PARD3B: variants seen among roughly 807,000 people sequenced by gnomAD.
The protein encoded by PARD3B is partitioning defective 3 homolog B.
A neutral mutation model predicts 130.2 loss-of-function variants in PARD3B; 103 were observed. The observed-to-expected ratio is 0.79, with a 90% CI of 0.67 to 0.93. PARD3B has a LOEUF of 0.93. Among genes scored for constraint, PARD3B ranks in the 40% least tolerant of loss-of-function variants. PARD3B has a pLI of 0.00. For synonymous variants in PARD3B, 583 were observed against 553.2 expected, an observed-to-expected ratio of 1.05 and a Z score of -0.76; for missense variants, 1,609 against 1,499.2, an observed-to-expected ratio of 1.07 and a Z score of -1.21.
At chr2:205,307,781 T>A (rs1190718947) in intron 18 of PARD3B, among the ~76,000 whole-genome samples, 2 of 152,166 alleles carry the variant, frequency 1.3e-5, no homozygotes, top group African/African-American at 4.8e-5. Flanking sequence ...CTGTCATAGA[T>A]TTATGTTCAA....
intron 2 of PARD3B, among the ~76,000 whole-genome samples, chr2:204,855,553 AT>A (rs199587741): frequency 0.11 from 13,439 of 120,858 alleles, 1,020 homozygotes; most frequent in African/African-American, 0.31. Flanking sequence ...AGAAAAAAAA[AT>A]ATATATATAT....
intron 15 of PARD3B, among the ~76,000 whole-genome samples, chr2:205,223,512 A>G (rs1326397767): frequency 3.3e-5 from 5 of 152,192 alleles, no homozygotes; most frequent in Admixed American, 3.3e-4. Flanking sequence ...ACTGCTGCTC[A>G]TGAAGACAGC....
chr2:205,512,989 C>T (rs1376826899), intron 21 of PARD3B, among the ~76,000 whole-genome samples: 1 of 143,326 alleles, frequency 7.0e-6, no homozygotes, highest in Admixed American at 6.9e-5. Flanking sequence ...TTTTTTCCTT[C>T]TTTTTTTTTT....
chr2:205,108,468 C>T (rs1328401653), intron 5 of PARD3B, among the ~76,000 whole-genome samples: 2 of 151,914 alleles, frequency 1.3e-5, no homozygotes, highest in East Asian at 3.9e-4. Context: ...CCCTTTTCTC[C>T]CTTCTTCTTT....
At chr2:204,964,362 TAA>T (rs927835572) in intron 2 of PARD3B, among the ~76,000 whole-genome samples, 3 of 152,222 alleles carry the variant, frequency 2.0e-5, no homozygotes, top group Admixed American at 6.5e-5. Flanking sequence ...CTTGAATTTT[TAA>T]AGATACCTTG....
chr2:205,363,919 G>A (rs966942116), intron 18 of PARD3B, among the ~76,000 whole-genome samples: 82 of 137,288 alleles, frequency 6.0e-4, no homozygotes, highest in Non-Finnish European at 5.0e-4. Flanking sequence ...CACCCGCCTC[G>A]GCCTCCCAAA....
chr2:205,127,570 T>C (rs2031586203), intron 10 of PARD3B, among the ~76,000 whole-genome samples: 1 of 152,196 alleles, frequency 6.6e-6, no homozygotes. Context: ...AGTTATTGTA[T>C]GGATTGGAAA....
chr2:204,921,662 G>A (rs372524163), intron 2 of PARD3B, among the ~76,000 whole-genome samples: 15 of 152,144 alleles, frequency 9.9e-5, no homozygotes, highest in African/African-American at 3.1e-4. Context: ...GCATGTGAGA[G>A]AGGTCCTTAT....
At chr2:205,251,003 C>T (rs1045273472) in intron 16 of PARD3B, among the ~76,000 whole-genome samples, 1 of 152,102 alleles carries the variant, frequency 6.6e-6, no homozygotes, top group African/African-American at 2.4e-5. Context: ...GATATGAACC[C>T]CAGCATTGTA....
chr2:205,328,167 A>G (rs546447576), intron 18 of PARD3B, among the ~76,000 whole-genome samples: 2 of 152,282 alleles, frequency 1.3e-5, no homozygotes, highest in East Asian at 1.9e-4. Context: ...AAAACCCCCA[A>G]TATTTCCAAA....
rs2054363235 is a variant in PARD3B, at chr2:205,590,865, T to C, written c.3261-24591T>C. On this transcript the variant is annotated intron_variant, in intron 22 of 22. Coordinates refer to ENST00000406610, the MANE Select transcript of PARD3B (RefSeq NM_001302769.2). This position sits in a 1 kb window ranked among gnomAD's most constrained non-coding sequence, Gnocchi z 4.1. Reference sequence around the variant, plus strand: ...CTCTCTGCTTCCGGTCTGCTTGTCATTTGACCCACAGGCTTCAAGAATACT... The same window carrying C: ...CTCTCTGCTTCCGGTCTGCTTGTCACTTGACCCACAGGCTTCAAGAATACT... Among the ~76,000 whole-genome samples the C allele has an allele frequency of 6.6e-6, 1 of 152,052 alleles. No individual in the cohort carries two copies. The highest frequency in any genetic ancestry group is 6.6e-5 in the Admixed American group (1 of 15,260).
In PARD3B at chr2:205,055,400, G is replaced by A. The variant is rs190980045; in HGVS notation, c.504+7710G>A. Among the ~76,000 whole-genome samples, 405 of 152,234 alleles carry A rather than the reference G, an allele frequency of 2.7e-3. 2 individuals carry two copies. The highest frequency in any genetic ancestry group is 4.7e-3 in the Non-Finnish European group (317 of 68,010). ...TTAATTAAAAAGAAAGAACATTTAC[G>A]ACGTGTTTCTTGGCAAAGCACTGAT... On this transcript the variant is annotated intron_variant, in intron 4 of 22. Coordinates refer to ENST00000406610, the MANE Select transcript of PARD3B (RefSeq NM_001302769.2).
intron 1 of PARD3B, among the ~76,000 whole-genome samples, chr2:204,631,844 T>C (rs2034691156): frequency 6.6e-6 from 1 of 152,188 alleles, no homozygotes; most frequent in South Asian, 2.1e-4. Context: ...AGGATCTTAT[T>C]TCTCCTATGT....
chr2:205,006,828 T>G (rs556677165), intron 3 of PARD3B, among the ~76,000 whole-genome samples: 2 of 152,274 alleles, frequency 1.3e-5, no homozygotes, highest in South Asian at 4.1e-4. Flanking sequence ...TAGGTCCCAC[T>G]TATTTATTTA....
At chr2:205,059,923 T>G (rs1015150969) in intron 4 of PARD3B, among the ~76,000 whole-genome samples, 3 of 152,136 alleles carry the variant, frequency 2.0e-5, no homozygotes, top group Non-Finnish European at 4.4e-5. Flanking sequence ...TTAATATATG[T>G]GTTCAAATAT....
chr2:205,291,982 C>G lies in PARD3B; in HGVS notation c.2186-8548C>G, dbSNP rs1453670100. On this transcript the variant is annotated intron_variant, in intron 16 of 22. Coordinates refer to ENST00000406610, the MANE Select transcript of PARD3B (RefSeq NM_001302769.2). The surrounding 1 kb of genome is among the most constrained non-coding windows in gnomAD (Gnocchi z 4.6). Reference sequence around the variant, plus strand: ...GCCCAGAGTGCAAGGGCCCTGGAGACAGAGTGGTGTCAAAGGAGGGGCTGC... The same window carrying G: ...GCCCAGAGTGCAAGGGCCCTGGAGAGAGAGTGGTGTCAAAGGAGGGGCTGC... 1.3e-5 allele frequency among the ~76,000 whole-genome samples: 2 copies of G among 152,192 alleles called. No individual in the cohort carries two copies. The highest frequency in any genetic ancestry group is 2.4e-5 in the African/African-American group (1 of 41,444).
intron 4 of PARD3B, among the ~76,000 whole-genome samples, chr2:205,057,687 G>GTA (rs143046413): frequency 0.5 from 60,339 of 121,218 alleles, 17,684 homozygotes; most frequent in Admixed American, 0.58. Flanking sequence ...ATGTGTATAC[G>GTA]TACATATACA....
intron 18 of PARD3B, among the ~76,000 whole-genome samples, chr2:205,399,757 T>C (rs552309732): frequency 6.6e-6 from 1 of 152,220 alleles, no homozygotes; most frequent in African/African-American, 2.4e-5. Context: ...TGTGCCCTTG[T>C]AACTATATAC....
At chr2:204,942,597 CT>C (rs1559283609) in intron 2 of PARD3B, among the ~76,000 whole-genome samples, 1 of 151,058 alleles carries the variant, frequency 6.6e-6, no homozygotes, top group Non-Finnish European at 1.5e-5. Context: ...CTTTAACTTT[CT>C]TTTTTTAAAG....
Sources: gnomAD v4.1 joint callset for allele counts (sites outside exome capture counted in the v4.1 genomes callset) on GRCh38, gnomAD v4.1.1 for gene constraint, Gnocchi (gnomAD v3.1) non-coding constraint, MANE v1.5 for transcripts, NCBI Gene and HGNC (gene_info 2026-07-23, HGNC 2026-07-21) for gene names.